Variants in DNAJC15 observed in about 807,000 individuals in gnomAD.
DNAJC15 encodes DnaJ heat shock protein family (Hsp40) member C15.
Under a neutral mutation model 22.4 loss-of-function variants are expected in DNAJC15, and 27 were observed. That is an observed-to-expected ratio of 1.20 (90% CI 0.89 to 1.66). The LOEUF is 1.66. DNAJC15 is among the 40% of genes most tolerant of loss of function. The pLI is 0.00. For synonymous variants in DNAJC15, 79 were observed against 63.2 expected (o/e 1.25, Z -1.19); for missense variants, 208 against 187.1 (o/e 1.11, Z -0.65).
chr13:43,025,396 A>G (rs1317880807), intron 1 of DNAJC15, among the ~76,000 whole-genome samples: 2 of 152,200 alleles, frequency 1.3e-5, no homozygotes, highest in African/African-American at 4.8e-5. Context: ...GAGAGTTTAC[A>G]GAATCCAGAG....
intron 2 of DNAJC15, among the ~76,000 whole-genome samples, chr13:43,068,177 A>T (rs1210615782): frequency 6.6e-6 from 1 of 152,138 alleles, no homozygotes; most frequent in African/African-American, 2.4e-5. Flanking sequence ...GGAGAAAGAG[A>T]TACTAGTAGA....
chr13:43,071,853 T>A (rs962739650), intron 3 of DNAJC15, among the ~76,000 whole-genome samples: 1 of 152,224 alleles, frequency 6.6e-6, no homozygotes, highest in African/African-American at 2.4e-5. Context: ...TTCATACTTT[T>A]TTTTCATCTT....
chr13:43,055,519 C>A (rs1593316152), intron 1 of DNAJC15, among the ~76,000 whole-genome samples: 1 of 152,330 alleles, frequency 6.6e-6, no homozygotes, highest in South Asian at 2.1e-4. Context: ...CCTCCGTCTC[C>A]TTGACTGTTC....
At chr13:43,050,216 G>C (rs1481221020) in intron 1 of DNAJC15, among the ~76,000 whole-genome samples, 1 of 152,052 alleles carries the variant, frequency 6.6e-6, no homozygotes, top group African/African-American at 2.4e-5. Flanking sequence ...CACTCTGCCC[G>C]GCCAGTTTTA....
chr13:43,037,736 T>G (rs1392513408), intron 1 of DNAJC15, among the ~76,000 whole-genome samples: 2 of 152,208 alleles, frequency 1.3e-5, no homozygotes, highest in Non-Finnish European at 2.9e-5. Flanking sequence ...ATGAATGCCC[T>G]AACTTAAAAA....
chr13:43,065,641 C>G (rs2040579745), intron 1 of DNAJC15, 45 bp from the exon 2 acceptor site: 1 of 1,474,988 alleles, frequency 6.8e-7, no homozygotes, highest in East Asian at 2.3e-5. Context: ...ACTTTTAAAA[C>G]CCAGCATGTT....
chr13:43,094,456 A>G (rs1408282544), intron 5 of DNAJC15, among the ~76,000 whole-genome samples: 1 of 152,142 alleles, frequency 6.6e-6, no homozygotes, highest in East Asian at 1.9e-4. Context: ...TCTAATGTAC[A>G]CTAATGTTTG....
intron 1 of DNAJC15, among the ~76,000 whole-genome samples, chr13:43,049,036 T>TA (rs1343731567): frequency 2.0e-5 from 3 of 152,298 alleles, no homozygotes; most frequent in South Asian, 2.1e-4. Context: ...GTGTGACACT[T>TA]ACGGCAGTTT....
chr13:43,110,092 C>G lies in DNAJC15; in HGVS notation c.*2844C>G, dbSNP rs1241744253. 1 of 152,160 alleles carries G rather than the reference C, an allele frequency of 6.6e-6. No homozygotes were observed. The highest frequency in any genetic ancestry group is 2.4e-5 in the African/African-American group (1 of 41,440). 9.4% of individuals were successfully genotyped at this position (152,160 alleles called of 1,614,324 possible). The stretch of plus-strand genomic sequence containing the variant: ...CAATTTGGATAGAACATGGTGGGGA[C>G]AGCTCGTCTCTATTCCTTGCAGCAT... On this transcript the variant is annotated 3_prime_UTR_variant, in exon 6 of 6. Coordinates refer to ENST00000379221, the MANE Select transcript of DNAJC15 (RefSeq NM_013238.3).
chr13:43,068,299 A>G (rs1009461225), intron 2 of DNAJC15, among the ~76,000 whole-genome samples: 2 of 152,106 alleles, frequency 1.3e-5, no homozygotes, highest in Non-Finnish European at 2.9e-5. Context: ...CTTAGTTGTT[A>G]AAACTCAGGG....
rs768717251 is a variant in DNAJC15 at position 43,068,933 on chromosome 13, G to A, written c.164G>A (p.Arg55His). The change falls in exon 3 of 6, where the codon CGC (arginine) becomes CAC (histidine). Residue 55 changes from arginine to histidine, a missense_variant. Coordinates refer to ENST00000379221, the MANE Select transcript of DNAJC15 (RefSeq NM_013238.3). ...LGVAALAFAG[R>H]YAFRIWKPLE... Reference sequence around the variant, plus strand: ...TTTTATTCCCTTTACTATTTAGGTCGCTACGCATTTCGGATCTGGAAACCT... The same window carrying A: ...TTTTATTCCCTTTACTATTTAGGTCACTACGCATTTCGGATCTGGAAACCT... 1.1e-5 allele frequency: 17 copies of A among 1,611,744 alleles called. No homozygotes were observed. Among genetic ancestry groups the A allele is most frequent in the South Asian group, 6.6e-5 (6 of 90,700 alleles).
intron 1 of DNAJC15, among the ~76,000 whole-genome samples, chr13:43,035,025 A>G (rs900166022): frequency 6.6e-6 from 1 of 152,116 alleles, no homozygotes; most frequent in African/African-American, 2.4e-5. Flanking sequence ...AATGTTCCCC[A>G]ATTCCTTTAT....
intron 5 of DNAJC15, 84 bp from the exon 6 acceptor site, chr13:43,107,094 A>G: frequency 9.1e-7 from 1 of 1,102,518 alleles, no homozygotes; most frequent in Non-Finnish European, 1.2e-6. Flanking sequence ...ACAATATTCA[A>G]AAAAGAGTAT....
At chr13:43,085,473 A>C (rs1240822124) in intron 4 of DNAJC15, among the ~76,000 whole-genome samples, 1 of 152,160 alleles carries the variant, frequency 6.6e-6, no homozygotes, top group South Asian at 2.1e-4. Context: ...TAAGTTTTCA[A>C]ACTTACAGTA....
At chr13:43,054,451 T>G (rs531629373) in intron 1 of DNAJC15, among the ~76,000 whole-genome samples, 2 of 152,226 alleles carry the variant, frequency 1.3e-5, no homozygotes, top group Admixed American at 1.3e-4. Context: ...TCCCTGTTTA[T>G]CTTTTGGAAT....
In DNAJC15 at chr13:43,023,601, G is replaced by T. The variant is rs1175719066; in HGVS notation, c.-26G>T. 6 of 1,596,904 alleles carry T rather than the reference G, an allele frequency of 3.8e-6. No homozygotes were observed. Among genetic ancestry groups the T allele is most frequent in the Non-Finnish European group, 5.1e-6 (6 of 1,171,064 alleles). Reference sequence around the variant, plus strand: ...GCCGCCTCGTAGTCACTGCCGCGGCGCCTTGAGTCTCCGGGCCGCCTTGCC... The same window carrying T: ...GCCGCCTCGTAGTCACTGCCGCGGCTCCTTGAGTCTCCGGGCCGCCTTGCC... On this transcript the variant is annotated 5_prime_UTR_variant, in exon 1 of 6. Transcript: ENST00000379221.
At chr13:43,100,165 T>G (rs1483823950) in intron 5 of DNAJC15, among the ~76,000 whole-genome samples, 2 of 151,786 alleles carry the variant, frequency 1.3e-5, no homozygotes, top group Non-Finnish European at 2.9e-5. Context: ...GTTTCTCTTC[T>G]TTTTCCATTG....
At chr13:43,054,913 A>G (rs2040522048) in intron 1 of DNAJC15, among the ~76,000 whole-genome samples, 1 of 152,202 alleles carries the variant, frequency 6.6e-6, no homozygotes, top group Admixed American at 6.5e-5. Flanking sequence ...CTGAAAGATC[A>G]GGCTGTAAAT....
At chr13:43,080,476 T>G (rs1378475146) in intron 4 of DNAJC15, among the ~76,000 whole-genome samples, 1 of 152,228 alleles carries the variant, frequency 6.6e-6, no homozygotes, top group Non-Finnish European at 1.5e-5. Context: ...GCATTTAGGT[T>G]GATTCCATAT....
Sources: allele counts gnomAD v4.1 joint callset (sites outside exome capture counted in the v4.1 genomes callset), GRCh38; gene constraint gnomAD v4.1.1; transcripts MANE v1.5; gene names NCBI Gene and HGNC (gene_info 2026-07-23, HGNC 2026-07-21).